ARHGAP29: variants seen among roughly 807,000 people sequenced by gnomAD.
The protein encoded by ARHGAP29 is Rho GTPase activating protein 29, also known as rho GTPase-activating protein 29.
In ARHGAP29, 43 loss-of-function variants were observed where a neutral mutation model predicts 122.6. That is an observed-to-expected ratio of 0.35 (90% confidence interval 0.27 to 0.45). ARHGAP29 has a LOEUF of 0.45. Among genes scored for constraint, ARHGAP29 ranks in the 20% least tolerant of loss-of-function variants. ARHGAP29 has a pLI of 1.00. For missense variants in ARHGAP29, 1,303 were observed against 1,477.2 expected (o/e 0.88, Z 1.93); for synonymous variants, 506 against 497.1 (o/e 1.02, Z -0.24).
intron 1 of ARHGAP29, among the ~76,000 whole-genome samples, chr1:94,255,316 A>T (rs1011889459): frequency 2.6e-5 from 4 of 152,154 alleles, no homozygotes; most frequent in African/African-American, 9.7e-5. Flanking sequence ...CTCAAAAGAA[A>T]CCAACCATGC....
At chr1:94,220,744 C>T (rs139292300) in intron 2 of ARHGAP29, among the ~76,000 whole-genome samples, 205 of 151,968 alleles carry the variant, frequency 1.3e-3, no homozygotes, top group African/African-American at 4.8e-3. Flanking sequence ...TATTTTTTAA[C>T]ATATCCAGTA....
intron 1 of ARHGAP29, among the ~76,000 whole-genome samples, chr1:94,244,225 A>C (rs569294623): frequency 8.9e-4 from 124 of 139,582 alleles, no homozygotes; most frequent in Admixed American, 1.5e-3. Context: ...ACCACACACA[A>C]AAAAAACAAA....
intron 5 of ARHGAP29, among the ~76,000 whole-genome samples, chr1:94,205,884 A>G (rs1427284036): frequency 6.6e-6 from 1 of 152,218 alleles, no homozygotes; most frequent in East Asian, 1.9e-4. Context: ...AGGAGTTCCC[A>G]AGATCCAAGA....
At chr1:94,293,191 T>C in the ARHGAP29 span, among the ~76,000 whole-genome samples, 1 of 152,174 alleles carries the variant, frequency 6.6e-6, no homozygotes, top group Non-Finnish European at 1.5e-5. Flanking sequence ...CAATGGCAGA[T>C]TCCTCTCCCC....
At chr1:94,210,202 T>G (rs1651497461) in intron 3 of ARHGAP29, among the ~76,000 whole-genome samples, 1 of 152,188 alleles carries the variant, frequency 6.6e-6, no homozygotes, top group Non-Finnish European at 1.5e-5. Flanking sequence ...GTTCCCTATA[T>G]GACCCCTCCC....
intron 1 of ARHGAP29, among the ~76,000 whole-genome samples, chr1:94,233,307 G>T (rs1653043509): frequency 2.0e-5 from 3 of 151,852 alleles, no homozygotes; most frequent in Non-Finnish European, 4.4e-5. Context: ...ATACATTATT[G>T]TATCATTTAC....
At position 94,177,910 on chromosome 1, in the gene ARHGAP29, G is replaced by A. The variant is rs139252732; in HGVS notation, c.2738C>T (p.Ser913Leu). The A allele has an allele frequency of 8.3e-5, 134 of 1,614,080 alleles. No homozygotes were observed. The African/African-American group carries it at 1.7e-3, about 20-fold the overall frequency. ...ACGTTCAATGTCTCTTTCTTCTGGT[G>A]ATAACAGAGGCTTTGGAAAACAGCC... ...DQGCFPKPLL[S>L]PEERDIERSM... The change falls in exon 21 of 23, where the codon TCA becomes TTA. Residue 913 changes from serine (S) to leucine (L), a missense_variant. Transcript: ENST00000260526.
chr1:94,236,922 G>C (rs556310018), intron 1 of ARHGAP29, among the ~76,000 whole-genome samples: 1 of 152,270 alleles, frequency 6.6e-6, no homozygotes, highest in South Asian at 2.1e-4. Flanking sequence ...TAGTGATCAG[G>C]AGCACGGATT....
At chr1:94,186,889 A>T (rs1386430297) in intron 15 of ARHGAP29, among the ~76,000 whole-genome samples, 12 of 152,226 alleles carry the variant, frequency 7.9e-5, no homozygotes, top group Non-Finnish European at 1.6e-4. Context: ...TGTAAACTCC[A>T]CAAGTATAGC....
At chr1:94,273,193 C>T (rs1314492701) in intron 1 of ARHGAP29, among the ~76,000 whole-genome samples, 1 of 152,126 alleles carries the variant, frequency 6.6e-6, no homozygotes, top group African/African-American at 2.4e-5. Context: ...CTTTGGAAAT[C>T]CTGAATACTA....
intron 19 of ARHGAP29, among the ~76,000 whole-genome samples, chr1:94,183,490 T>A (rs1050147983): frequency 2.8e-4 from 42 of 151,168 alleles, no homozygotes; most frequent in African/African-American, 9.7e-4. Flanking sequence ...GGTTTAACAG[T>A]GAGAAAAAAA....
chr1:94,198,365 C>T (rs1650601088), intron 12 of ARHGAP29, among the ~76,000 whole-genome samples: 1 of 151,962 alleles, frequency 6.6e-6, no homozygotes, highest in Non-Finnish European at 1.5e-5. Flanking sequence ...GTAGTCTTAG[C>T]TACCTGGGAG....
intron 2 of ARHGAP29, among the ~76,000 whole-genome samples, chr1:94,227,980 T>C (rs546567454): frequency 1.3e-5 from 2 of 151,904 alleles, no homozygotes; most frequent in South Asian, 4.1e-4. Context: ...ATCTGCTACT[T>C]GTATAAGACT....
chr1:94,225,814 CAA>C (rs1393527168), intron 2 of ARHGAP29, among the ~76,000 whole-genome samples: 3 of 151,720 alleles, frequency 2.0e-5, no homozygotes, highest in South Asian at 2.1e-4. Flanking sequence ...AAAATTCAAC[CAA>C]AGTCTTAATA....
intron 10 of ARHGAP29, 70 bp from the exon 11 acceptor site, chr1:94,202,802 C>T (rs1457590052): frequency 3.8e-6 from 6 of 1,560,028 alleles, no homozygotes; most frequent in Non-Finnish European, 5.2e-6. Context: ...TTAGCATATT[C>T]AGCAAGATAG....
intron 19 of ARHGAP29, among the ~76,000 whole-genome samples, chr1:94,181,875 CAT>C (rs1427764432): frequency 6.6e-6 from 1 of 152,074 alleles, no homozygotes; most frequent in African/African-American, 2.4e-5. Context: ...ATGAACAAAA[CAT>C]AGCAGATTTC....
chr1:94,202,634 C>G lies in ARHGAP29; in HGVS notation c.1053G>C (p.Glu351Asp), dbSNP rs1328011863. ...KAKSSMFRAE[E>D]EHLSSSGGLA... ...ATCCGCCACTTGAAGACAGATGCTCCTCTTCTGCACGAAACATGGAAGACT... is the reference window on the plus strand; with the variant it reads ...ATCCGCCACTTGAAGACAGATGCTCGTCTTCTGCACGAAACATGGAAGACT... Residue 351 changes from glutamate (E) to aspartate (D), a missense_variant, in exon 11 of 23, where the codon GAG becomes GAC. Glu to Asp is a conservative substitution (Grantham distance 45). Around this residue, in one of 3 missense-constraint regions of ARHGAP29, gnomAD observed 592 missense variants for 648.2 expected, o/e 0.91. Transcript: ENST00000260526. The G allele has an allele frequency of 6.2e-7, 1 of 1,614,192 alleles. No homozygotes were observed. The highest frequency in any genetic ancestry group is 8.5e-7 in the Non-Finnish European group (1 of 1,180,042).
At chr1:94,272,557 C>T (rs1366013223) in intron 1 of ARHGAP29, among the ~76,000 whole-genome samples, 1 of 152,212 alleles carries the variant, frequency 6.6e-6, no homozygotes, top group African/African-American at 2.4e-5. Context: ...CTGGTCCAAG[C>T]CAGTGATTGA....
chr1:94,249,225 C>T (rs903998574), intron 1 of ARHGAP29, among the ~76,000 whole-genome samples: 1 of 152,192 alleles, frequency 6.6e-6, no homozygotes, highest in Non-Finnish European at 1.5e-5. Flanking sequence ...TAAAGTGGCT[C>T]ATGATCATGG....
Sources: gnomAD v4.1 joint callset for allele counts (sites outside exome capture counted in the v4.1 genomes callset) on GRCh38, gnomAD v4.1.1 for gene constraint, gnomAD v4.1.1 regional missense constraint, MANE v1.5 for transcripts, NCBI Gene and HGNC (gene_info 2026-07-23, HGNC 2026-07-21) for gene names.